TANC1: variants seen among roughly 807,000 people sequenced by gnomAD.
The protein encoded by TANC1 is tetratricopeptide repeat, ankyrin repeat and coiled-coil containing 1.
In TANC1, 77 loss-of-function variants were observed where a neutral mutation model predicts 149.7. The ratio of observed to expected loss-of-function variants is 0.51; its 90% CI spans 0.43 to 0.62. The LOEUF is 0.62. Among genes scored for constraint, TANC1 ranks in the 20% least tolerant of loss-of-function variants. The pLI is 0.00. For synonymous variants in TANC1, 854 were observed against 925.0 expected, an observed-to-expected ratio of 0.92 and a Z score of 1.39; for missense variants, 1,985 against 2,321.8, an observed-to-expected ratio of 0.85 and a Z score of 2.98.
chr2:159,227,737 T>A, intron 24 of TANC1, 82 bp from the exon 25 acceptor site: 4 of 1,493,274 alleles, frequency 2.7e-6, no homozygotes, highest in Non-Finnish European at 2.7e-6. Flanking sequence ...GGGAGTAAAC[T>A]CCCCACGGTG....
intron 2 of TANC1, among the ~76,000 whole-genome samples, chr2:159,004,930 C>T (rs934355456): frequency 1.3e-5 from 2 of 152,152 alleles, no homozygotes; most frequent in South Asian, 2.1e-4. Flanking sequence ...GCAAGCCAGT[C>T]ATAAGCATTG....
At chr2:159,225,370 G>A in intron 23 of TANC1, 1 of 424,548 alleles carries the variant, frequency 2.4e-6, no homozygotes. Context: ...TGCAGGAACT[G>A]AGGAGGTTAT....
chr2:159,195,053 G>T (rs923073320), intron 17 of TANC1, among the ~76,000 whole-genome samples: 1 of 152,168 alleles, frequency 6.6e-6, no homozygotes, highest in African/African-American at 2.4e-5. Flanking sequence ...CCCTACCACA[G>T]GGCTGTTGAG....
chr2:158,994,638 A>T (rs1042865775), intron 1 of TANC1, among the ~76,000 whole-genome samples: 1 of 152,202 alleles, frequency 6.6e-6, no homozygotes, highest in African/African-American at 2.4e-5. Context: ...TCAAATCTAG[A>T]TGTTCGTGTC....
At chr2:158,995,142 C>T (rs1334063645) in intron 1 of TANC1, among the ~76,000 whole-genome samples, 1 of 152,202 alleles carries the variant, frequency 6.6e-6, no homozygotes, top group Non-Finnish European at 1.5e-5. Context: ...TTCTCCCCCA[C>T]CTGTTACAGT....
chr2:159,176,644 A>G, intron 13 of TANC1, 126 bp downstream of exon 13: 1 of 775,210 alleles, frequency 1.3e-6, no homozygotes, highest in South Asian at 1.7e-5. Flanking sequence ...AAGAATTTGA[A>G]AAACTAGTCC....
chr2:159,193,713 G>A (rs1421188531), intron 16 of TANC1, among the ~76,000 whole-genome samples: 5 of 152,048 alleles, frequency 3.3e-5, no homozygotes, highest in Admixed American at 6.6e-5. Context: ...TAGTAGAGAC[G>A]GGGTTTCACC....
intron 3 of TANC1, among the ~76,000 whole-genome samples, chr2:159,092,965 G>C (rs1317649606): frequency 1.3e-5 from 2 of 152,170 alleles, no homozygotes; most frequent in Admixed American, 6.5e-5. Context: ...TGTGATCCCT[G>C]TTCCTCAGGG....
At chr2:159,149,543 A>G (rs1337285977) in intron 6 of TANC1, 3 of 434,782 alleles carry the variant, frequency 6.9e-6, no homozygotes, top group Non-Finnish European at 1.3e-5. Flanking sequence ...TAAAGAGGCT[A>G]AAAGAATGCC....
chr2:159,163,253 C>A, intron 7 of TANC1, 30 bp from the exon 8 acceptor site: 2 of 1,601,870 alleles, frequency 1.2e-6, no homozygotes, highest in Admixed American at 3.4e-5. Flanking sequence ...TGCCTGGCCT[C>A]CTTCAAAGTA....
At chr2:159,110,536 A>G (rs900347777) in intron 4 of TANC1, among the ~76,000 whole-genome samples, 1 of 152,208 alleles carries the variant, frequency 6.6e-6, no homozygotes, top group African/African-American at 2.4e-5. Flanking sequence ...GCTGGTCTTG[A>G]ACTCCTGGGC....
chr2:159,023,109 A>G (rs999929123), intron 2 of TANC1, among the ~76,000 whole-genome samples: 4 of 152,190 alleles, frequency 2.6e-5, no homozygotes, highest in South Asian at 4.1e-4. Context: ...TCTGCTTCCA[A>G]GTGAAAGGAA....
At chr2:159,164,204 T>A (rs577135702) in intron 8 of TANC1, among the ~76,000 whole-genome samples, 1 of 152,274 alleles carries the variant, frequency 6.6e-6, no homozygotes, top group East Asian at 1.9e-4. Flanking sequence ...GTCAGTCCCC[T>A]GTATCTATAG....
At chr2:159,190,329 G>A (rs1559426458) in intron 16 of TANC1, among the ~76,000 whole-genome samples, 1 of 152,130 alleles carries the variant, frequency 6.6e-6, no homozygotes. Flanking sequence ...AATTATCCAG[G>A]GAATTTACAA....
chr2:159,194,580 CTT>C, intron 17 of TANC1, 87 bp downstream of exon 17: 1 of 1,192,224 alleles, frequency 8.4e-7, no homozygotes, highest in South Asian at 1.3e-5. Context: ...GCCAGACTCT[CTT>C]GTCTCTGAAA....
intron 16 of TANC1, among the ~76,000 whole-genome samples, chr2:159,189,106 G>A (rs2057249356): frequency 6.6e-6 from 1 of 152,240 alleles, no homozygotes; most frequent in African/African-American, 2.4e-5. Flanking sequence ...TCTCTCAAGT[G>A]ATGAGAAACC....
intron 5 of TANC1, among the ~76,000 whole-genome samples, chr2:159,140,085 T>C (rs55986226): frequency 0.24 from 36,616 of 151,792 alleles, 5,422 homozygotes; most frequent in Non-Finnish European, 0.35. Context: ...TAGCCAGATA[T>C]AGCAGTGCAC....
Position 159,231,985 on chromosome 2 carries a change from G to C in TANC1, c.*973G>C, listed in dbSNP as rs2060348446. ...AAATAGCCCAGTTTTATTCAGACTT[G>C]TAAATAGAACTATTTCAATGTAGTT... On this transcript the variant is annotated 3_prime_UTR_variant, in exon 27 of 27. Transcript: ENST00000263635. 1 of 152,516 alleles carries C rather than the reference G, an allele frequency of 6.6e-6. No homozygotes were observed. Among genetic ancestry groups the C allele is most frequent in the Non-Finnish European group, 1.5e-5 (1 of 68,024 alleles). The allele number at this position is 152,516 out of a possible 1,614,324, so 9.4% of individuals were successfully genotyped here.
intron 1 of TANC1, among the ~76,000 whole-genome samples, chr2:158,998,074 C>T (rs1166730458): frequency 1.3e-5 from 2 of 152,074 alleles, no homozygotes; most frequent in African/African-American, 4.8e-5. Context: ...ACCTGTGCAA[C>T]GTAGCAAGAC....
Sources: allele counts gnomAD v4.1 joint callset (sites outside exome capture counted in the v4.1 genomes callset), GRCh38; gene constraint gnomAD v4.1.1; transcripts MANE v1.5; gene names NCBI Gene and HGNC (gene_info 2026-07-23, HGNC 2026-07-21).